LIMK2: variants seen among roughly 807,000 people sequenced by gnomAD.
LIMK2 encodes the protein LIM domain kinase 2.
Under a neutral mutation model 75.7 loss-of-function variants are expected in LIMK2, and 35 were observed. The ratio of observed to expected loss-of-function variants is 0.46; its 90% CI spans 0.35 to 0.61. The LOEUF (loss-of-function observed/expected upper bound fraction) is 0.61. Among genes scored for constraint, LIMK2 ranks in the 20% least tolerant of loss-of-function variants. LIMK2 has a pLI of 0.00. For missense variants in LIMK2, 623 were observed against 831.0 expected (o/e 0.75, Z 3.08); for synonymous variants, 301 against 319.2 (o/e 0.94, Z 0.61).
Position 31,259,961 on chromosome 22 carries a change from G to A in LIMK2, c.435G>A (p.Gln145=). The change falls in exon 5 of 16, where the codon CAG becomes CAA. Residue 145 remains glutamine (Q), a synonymous_variant. Coordinates refer to ENST00000331728, the MANE Select transcript of LIMK2 (RefSeq NM_005569.4). Reference sequence around the variant, plus strand: ...TCTCCACAGAGTCTGTTCAGGAGCAGCTGCCCTACTCTGTCACGCTCATCT... The same window carrying A: ...TCTCCACAGAGTCTGTTCAGGAGCAACTGCCCTACTCTGTCACGCTCATCT... ...ERLSTESVQE[Q]LPYSVTLISM... is the part of the protein sequence containing the mutation. 6.2e-7 allele frequency: 1 copy of A among 1,611,568 alleles called. No homozygotes were observed.
At position 31,275,196 on chromosome 22, in the gene LIMK2, C is replaced by T. The variant is rs765588748; in HGVS notation, c.1660C>T (p.Leu554=). 6 of 1,614,204 alleles carry T rather than the reference C, an allele frequency of 3.7e-6. No individual in the cohort carries two copies. The highest frequency in any genetic ancestry group is 1.7e-6 in the Non-Finnish European group (2 of 1,180,032). The change falls in exon 15 of 16, where the codon CTG becomes TTG. Residue 554 remains leucine, a synonymous_variant. Transcript: ENST00000331728. The part of the protein sequence containing the change: ...YADPDCLPRT[L]DFGLNVKLFW... ...AGATCCTGACTGCCTTCCCCGAACACTGGACTTTGGCCTCAACGTGAAGCT... is the reference window on the plus strand; with the variant it reads ...AGATCCTGACTGCCTTCCCCGAACATTGGACTTTGGCCTCAACGTGAAGCT...
intron 2 of LIMK2, among the ~76,000 whole-genome samples, chr22:31,229,265 A>G (rs753256635): frequency 1.3e-5 from 2 of 152,134 alleles, no homozygotes; most frequent in Non-Finnish European, 2.9e-5. Flanking sequence ...CCCCTGGTAA[A>G]TTCAAACTGG....
At chr22:31,223,877 A>G (rs5997915) in intron 1 of LIMK2, among the ~76,000 whole-genome samples, 43 of 152,312 alleles carry the variant, frequency 2.8e-4, no homozygotes, top group African/African-American at 9.6e-4. Context: ...GTGGTGTTTT[A>G]AGGCCTCTTG....
chr22:31,263,923 A>G (rs1057223082), intron 7 of LIMK2, among the ~76,000 whole-genome samples: 1 of 152,160 alleles, frequency 6.6e-6, no homozygotes, highest in Non-Finnish European at 1.5e-5. Flanking sequence ...CCAGGAGTTC[A>G]AGACTGCAGT....
intron 2 of LIMK2, among the ~76,000 whole-genome samples, chr22:31,237,263 A>G (rs1323867136): frequency 8.1e-5 from 12 of 148,706 alleles, no homozygotes; most frequent in African/African-American, 3.0e-4. Flanking sequence ...TCTGTCTCAA[A>G]AAAAAAAAAA....
chr22:31,226,400 A>G (rs1356454288), intron 2 of LIMK2, among the ~76,000 whole-genome samples: 6 of 150,890 alleles, frequency 4.0e-5, no homozygotes, highest in Admixed American at 4.0e-4. Context: ...CGGGGGTTTC[A>G]ACATGTTGGT....
At chr22:31,232,253 G>GA (rs34104927) in intron 2 of LIMK2, among the ~76,000 whole-genome samples, 55,502 of 130,076 alleles carry the variant, frequency 0.43, 12,263 homozygotes, top group Middle Eastern at 0.55. Flanking sequence ...ACTCCCAGGA[G>GA]AAAAAAAAAA....
In LIMK2 at chr22:31,234,211, C is replaced by T. The variant is rs530003378; in HGVS notation, c.116+8392C>T. ...ATTTTTAGTAGAGATGGGGTTTTGC[C>T]ATGTTGGCCAAGCTAGTCTCGAACT... On this transcript the variant is annotated intron_variant, in intron 2 of 15. Coordinates refer to ENST00000331728, the MANE Select transcript of LIMK2 (RefSeq NM_005569.4). Among the ~76,000 whole-genome samples the T allele has an allele frequency of 1.3e-4, 19 of 151,470 alleles. No individual in the cohort carries two copies. In the South Asian group the frequency reaches 3.8e-3, roughly 30 times the overall value.
At chr22:31,240,384 C>G (rs2048614169) in intron 2 of LIMK2, among the ~76,000 whole-genome samples, 1 of 151,734 alleles carries the variant, frequency 6.6e-6, no homozygotes, top group South Asian at 2.1e-4. Context: ...GTTTTAGTTC[C>G]AGAGATAGCA....
At chr22:31,263,185 GT>G (rs929811065) in intron 7 of LIMK2, among the ~76,000 whole-genome samples, 1 of 151,964 alleles carries the variant, frequency 6.6e-6, no homozygotes, top group Non-Finnish European at 1.5e-5. Flanking sequence ...ATGAATGAAC[GT>G]TTTTTTTAGA....
chr22:31,252,405 G>C (rs1256695652), intron 2 of LIMK2, among the ~76,000 whole-genome samples: 1 of 152,006 alleles, frequency 6.6e-6, no homozygotes, highest in Non-Finnish European at 1.5e-5. Context: ...AGCCAGGCAT[G>C]GTGGTGTGCA....
intron 5 of LIMK2, among the ~76,000 whole-genome samples, chr22:31,261,821 C>T (rs2048843010): frequency 6.6e-6 from 1 of 152,044 alleles, no homozygotes; most frequent in African/African-American, 2.4e-5. Context: ...TTACCGTGAT[C>T]CAGGTAAGAG....
intron 1 of LIMK2, among the ~76,000 whole-genome samples, chr22:31,225,449 C>T (rs908302891): frequency 3.9e-5 from 6 of 152,054 alleles, no homozygotes; most frequent in Non-Finnish European, 5.9e-5. Flanking sequence ...AGTTTTGTTT[C>T]AGTAGAAAAA....
Position 31,266,878 on chromosome 22 carries a change from C to T in LIMK2, c.1042-106C>T, listed in dbSNP as rs2048901466. On this transcript the variant is annotated intron_variant, in intron 8 of 15. Coordinates refer to ENST00000331728, the MANE Select transcript of LIMK2 (RefSeq NM_005569.4). Reference sequence around the variant, plus strand: ...TGAACTCTGTCATTCTGACCCGGCTCAGTGTGCCCTCCAAGGGATGGGATG... The same window carrying T: ...TGAACTCTGTCATTCTGACCCGGCTTAGTGTGCCCTCCAAGGGATGGGATG... 6.6e-6 allele frequency: 5 copies of T among 755,138 alleles called. No individual in the cohort carries two copies. In the South Asian group the frequency reaches 7.4e-5, roughly 11 times the overall value. The allele number at this position is 755,138 out of a possible 1,614,324, so 46.8% of individuals were successfully genotyped here.
intron 2 of LIMK2, among the ~76,000 whole-genome samples, chr22:31,235,340 G>A (rs991080194): frequency 2.0e-5 from 3 of 152,166 alleles, no homozygotes; most frequent in Non-Finnish European, 2.9e-5. Context: ...AATCAGTTCC[G>A]GACATTGGGT....
chr22:31,233,022 T>G (rs1473484025), intron 2 of LIMK2, among the ~76,000 whole-genome samples: 1 of 152,188 alleles, frequency 6.6e-6, no homozygotes, highest in African/African-American at 2.4e-5. Flanking sequence ...TTAGTAATAT[T>G]CCGAATAACA....
Position 31,262,346 on chromosome 22 carries a change from T to G in LIMK2, c.657+107T>G. ...TTCCTACCCCCAGCCCATCTCTTTG[T>G]CTTAGCATTGAGCCTGTGACCACTG... On this transcript the variant is annotated intron_variant, in intron 6 of 15. Coordinates refer to ENST00000331728, the MANE Select transcript of LIMK2 (RefSeq NM_005569.4). The surrounding 1 kb of genome is among the most constrained non-coding windows in gnomAD (Gnocchi z 5.0). 1.0e-6 allele frequency: 1 copy of G among 967,982 alleles called. No homozygotes were observed. Among genetic ancestry groups the G allele is most frequent in the African/African-American group, 1.6e-5 (1 of 62,114 alleles). 60.0% of individuals were successfully genotyped at this position (967,982 alleles called of 1,614,324 possible). A position where few individuals can be genotyped will look rare whatever the true frequency, so the allele number is the denominator to read the frequency against.
rs200284153 is a variant in LIMK2, at chr22:31,248,724, G to A, written c.117-9567G>A. On this transcript the variant is annotated intron_variant, in intron 2 of 15. Coordinates refer to ENST00000331728, the MANE Select transcript of LIMK2 (RefSeq NM_005569.4). The stretch of plus-strand genomic sequence containing the variant: ...ATCTGGTGTGGGAAGAAGATGGGGA[G>A]TTACTTGTCAGTCCCGGCTTACTTC... 1.9e-6 allele frequency: 3 copies of A among 1,614,172 alleles called. No individual in the cohort carries two copies. In the African/African-American group the frequency reaches 4.0e-5, roughly 22 times the overall value.
chr22:31,235,239 G>A (rs1352186472), intron 2 of LIMK2, among the ~76,000 whole-genome samples: 1 of 152,148 alleles, frequency 6.6e-6, no homozygotes, highest in Non-Finnish European at 1.5e-5. Context: ...TATGATGTAA[G>A]TCAGGCTTTT....
Sources: allele counts gnomAD v4.1 joint callset (sites outside exome capture counted in the v4.1 genomes callset), GRCh38; gene constraint gnomAD v4.1.1; non-coding constraint Gnocchi (gnomAD v3.1); transcripts MANE v1.5; gene names NCBI Gene and HGNC (gene_info 2026-07-23, HGNC 2026-07-21).